DPP10: variants seen among roughly 807,000 people sequenced by gnomAD.
DPP10 encodes inactive dipeptidyl peptidase 10.
DPP10 carries 33 observed loss-of-function variants against 120.9 expected under a neutral mutation model. The observed-to-expected ratio is 0.27, with a 90% CI of 0.21 to 0.37. The LOEUF (loss-of-function observed/expected upper bound fraction) is 0.37, where lower values mean the gene tolerates loss of function less well. DPP10 is among the 10% of genes least tolerant of loss of function. The probability of loss-of-function intolerance (pLI) is 1.00; values close to 1 mark genes in which losing one functional copy is unlikely to be tolerated. For missense variants in DPP10, 816 were observed against 942.8 expected (o/e 0.87, Z 1.76); for synonymous variants, 337 against 326.1 (o/e 1.03, Z -0.36).
At chr2:114,679,524 A>G (rs1181261260) in intron 1 of DPP10, among the ~76,000 whole-genome samples, 2 of 151,908 alleles carry the variant, frequency 1.3e-5, no homozygotes, top group African/African-American at 2.4e-5. Flanking sequence ...TAGCTTTCTA[A>G]GAAAGTAGAA....
chr2:114,453,529 C>G (rs1678401182), intron 1 of DPP10, among the ~76,000 whole-genome samples: 1 of 152,168 alleles, frequency 6.6e-6, no homozygotes, highest in African/African-American at 2.4e-5. Context: ...TATGTCTTCT[C>G]TGCTACATCT....
rs562717174 is a variant in DPP10, at chr2:115,333,973, T to C, written c.176-9844T>C. Among the ~76,000 whole-genome samples the C allele has an allele frequency of 1.5e-3, 232 of 151,932 alleles. 1 individual carries two copies. The highest frequency in any genetic ancestry group is 3.4e-3 in the Middle Eastern group (1 of 294). ...AGAGTAAAAAGAAACAAAGAAAGCC[T>C]CCAAGAAATATGGGACTATGTGAAA... On this transcript the variant is annotated intron_variant, in intron 2 of 25. Coordinates refer to ENST00000410059, the MANE Select transcript of DPP10 (RefSeq NM_020868.6).
intron 1 of DPP10, among the ~76,000 whole-genome samples, chr2:114,763,825 T>G (rs1680483631): frequency 1.3e-5 from 2 of 152,190 alleles, no homozygotes; most frequent in African/African-American, 4.8e-5. Flanking sequence ...CAAGCTTGAA[T>G]ATGGAAGTCT....
At chr2:114,796,469 A>G (rs34449649) in intron 1 of DPP10, among the ~76,000 whole-genome samples, 6,360 of 151,918 alleles carry the variant, frequency 0.042, 177 homozygotes, top group South Asian at 0.099. Context: ...ATAATATAGT[A>G]TATAATATAT....
intron 1 of DPP10, among the ~76,000 whole-genome samples, chr2:114,969,850 C>G (rs893897903): frequency 1.3e-5 from 2 of 152,038 alleles, no homozygotes; most frequent in Non-Finnish European, 2.9e-5. Flanking sequence ...GAGAAGAAAG[C>G]CCCCCACCTC....
intron 5 of DPP10, among the ~76,000 whole-genome samples, chr2:115,628,951 G>T (rs1051156638): frequency 3.3e-5 from 5 of 152,030 alleles, no homozygotes; most frequent in Non-Finnish European, 5.9e-5. Flanking sequence ...ATCTCCTAAT[G>T]CTATCCTTCC....
chr2:114,636,061 C>T (rs1248455502), intron 1 of DPP10, among the ~76,000 whole-genome samples: 1 of 151,894 alleles, frequency 6.6e-6, no homozygotes, highest in Non-Finnish European at 1.5e-5. Flanking sequence ...TTCACTCATT[C>T]ATTTTTTTAA....
intron 1 of DPP10, among the ~76,000 whole-genome samples, chr2:114,709,918 G>C (rs1700915680): frequency 6.6e-6 from 1 of 152,202 alleles, no homozygotes; most frequent in Admixed American, 6.5e-5. Context: ...GATTAGGAAA[G>C]GATTTCATGC....
At chr2:115,385,496 C>T (rs1473550668) in intron 3 of DPP10, among the ~76,000 whole-genome samples, 5 of 152,072 alleles carry the variant, frequency 3.3e-5, no homozygotes, top group Non-Finnish European at 7.4e-5. Flanking sequence ...GCTGGGATTA[C>T]AGGCGCCCGC....
At chr2:115,468,497 C>A in intron 3 of DPP10, 1 of 437,788 alleles carries the variant, frequency 2.3e-6, no homozygotes. Context: ...CTCTGTGTTA[C>A]ACAGATTCTC....
chr2:115,344,868 G>T (rs1044684811), intron 3 of DPP10, among the ~76,000 whole-genome samples: 1 of 152,148 alleles, frequency 6.6e-6, no homozygotes, highest in African/African-American at 2.4e-5. Flanking sequence ...TATAATAGAT[G>T]AAAGGAGCTT....
chr2:114,900,255 G>T (rs75035677), intron 1 of DPP10, among the ~76,000 whole-genome samples: 1 of 152,138 alleles, frequency 6.6e-6, no homozygotes, highest in Non-Finnish European at 1.5e-5. Flanking sequence ...ATTCTTGTAC[G>T]TGTCTCCTGG....
intron 1 of DPP10, among the ~76,000 whole-genome samples, chr2:114,975,857 G>T (rs1415474856): frequency 6.6e-6 from 1 of 152,024 alleles, no homozygotes; most frequent in Non-Finnish European, 1.5e-5. Flanking sequence ...CACCATGTTG[G>T]CCAGGCTGGT....
intron 1 of DPP10, among the ~76,000 whole-genome samples, chr2:114,462,363 C>T (rs1423066823): frequency 6.6e-6 from 1 of 152,162 alleles, no homozygotes; most frequent in Non-Finnish European, 1.5e-5. Flanking sequence ...ACCTCCTGTT[C>T]CAGGATCCCC....
chr2:115,674,377 T>TTCATGATG (rs1398857024), intron 5 of DPP10, among the ~76,000 whole-genome samples: 54 of 151,840 alleles, frequency 3.6e-4, no homozygotes, highest in African/African-American at 1.2e-3. Context: ...GCCTACATAC[T>TTCATGATG]TCATGATGTT....
At chr2:115,528,154 C>T (rs562337344) in intron 5 of DPP10, among the ~76,000 whole-genome samples, 20 of 151,726 alleles carry the variant, frequency 1.3e-4, no homozygotes, top group African/African-American at 4.6e-4. Context: ...CTGTCTTCCA[C>T]AATGGTTGAA....
intron 1 of DPP10, chr2:115,297,329 A>G: frequency 2.9e-6 from 1 of 343,794 alleles, no homozygotes; most frequent in Non-Finnish European, 6.0e-6. Flanking sequence ...CCAGGTGGGC[A>G]GACCAGGCTG....
intron 1 of DPP10, among the ~76,000 whole-genome samples, chr2:115,291,931 C>G (rs545032221): frequency 1.3e-4 from 20 of 152,256 alleles, no homozygotes; most frequent in Admixed American, 2.6e-4. Context: ...AATTGATTGC[C>G]TTTCCCATAA....
At chr2:115,349,964 T>C (rs1298577619) in intron 3 of DPP10, among the ~76,000 whole-genome samples, 1 of 152,132 alleles carries the variant, frequency 6.6e-6, no homozygotes, top group Non-Finnish European at 1.5e-5. Context: ...ACCAAAGTGT[T>C]ATTTTTTATA....
Sources: allele counts gnomAD v4.1 joint callset (sites outside exome capture counted in the v4.1 genomes callset), GRCh38; gene constraint gnomAD v4.1.1; transcripts MANE v1.5; gene names NCBI Gene and HGNC (gene_info 2026-07-23, HGNC 2026-07-21).